The following CLCN5 variants were observed in gnomAD, a reference collection of about 807,000 sequenced individuals.
CLCN5 encodes H(+)/Cl(-) exchange transporter 5.
Under a neutral mutation model 54.0 loss-of-function variants are expected in CLCN5, and 17 were observed. The observed-to-expected ratio is 0.31, with a 90% CI of 0.22 to 0.47. The LOEUF (loss-of-function observed/expected upper bound fraction) is 0.47. CLCN5 is among the 20% of genes least tolerant of loss of function. CLCN5 has a pLI of 1.00. For synonymous variants in CLCN5, 222 were observed against 233.0 expected (o/e 0.95, Z 0.43); for missense variants, 448 against 646.7 (o/e 0.69, Z 3.33).
rs1557192722 is a variant in CLCN5, at chrX:50,079,653, C to G, written c.604-941C>G. ...ATTTATATCTGGTACCACCAGGGTC[C>G]AAAACTTTCTACTTATATGGTTGTT... On this transcript the variant is annotated intron_variant, in intron 7 of 14. Coordinates refer to ENST00000376091, the MANE Select transcript of CLCN5 (RefSeq NM_001127898.4). 4.5e-5 allele frequency among the ~76,000 whole-genome samples: 5 copies of G among 111,210 alleles called. No homozygotes were observed. In the South Asian group the frequency reaches 1.5e-3, roughly 34 times the overall value.
At chrX:50,082,027 G>C (rs1933722711) in intron 9 of CLCN5, among the ~76,000 whole-genome samples, 180 bp downstream of exon 9, 1 of 111,637 alleles carries the variant, frequency 9.0e-6, no homozygotes, top group South Asian at 3.7e-4. Flanking sequence ...AGGTGTATAA[G>C]GATAGTGCAG....
At chrX:49,990,002 C>T (rs1277113193) in intron 3 of CLCN5, among the ~76,000 whole-genome samples, 11 of 111,495 alleles carry the variant, frequency 9.9e-5, no homozygotes, top group Non-Finnish European at 1.9e-4. Context: ...GTTTCAGGGT[C>T]GGTAATTAAT....
intron 3 of CLCN5, among the ~76,000 whole-genome samples, chrX:50,037,805 A>G (rs1267023089): frequency 8.9e-6 from 1 of 112,474 alleles, no homozygotes. Flanking sequence ...TTACATGTGT[A>G]AATATTGATA....
chrX:50,076,773 A>G (rs189229914), intron 7 of CLCN5, among the ~76,000 whole-genome samples: 41 of 111,492 alleles, frequency 3.7e-4, no homozygotes, highest in African/African-American at 1.3e-3. Context: ...GCCTCAAGTG[A>G]CCCTCCTGCC....
chrX:50,057,466 A>G (rs1467072043), intron 4 of CLCN5, among the ~76,000 whole-genome samples: 7 of 12,960 alleles, frequency 5.4e-4, no homozygotes, highest in African/African-American at 2.6e-3. Context: ...CTGGATAGAT[A>G]CTATCCAGGA....
At chrX:50,030,861 A>G (rs1030927638) in intron 3 of CLCN5, among the ~76,000 whole-genome samples, 4 of 112,089 alleles carry the variant, frequency 3.6e-5, no homozygotes, top group African/African-American at 1.3e-4. Flanking sequence ...CTTCTTATAT[A>G]TAGCAGGCAA....
intron 4 of CLCN5, among the ~76,000 whole-genome samples, chrX:50,049,490 GA>G (rs1557188111): frequency 1.8e-5 from 2 of 112,013 alleles, no homozygotes; most frequent in South Asian, 7.4e-4. Context: ...AGTGGTTTCA[GA>G]ATTGTTAACC....
rs1934236525 is a variant in CLCN5, at chrX:50,095,515, GAT to G, written c.*3298_*3299del. On this transcript the variant is annotated 3_prime_UTR_variant, in exon 15 of 15. Transcript: ENST00000376091. Reference sequence around the variant, plus strand: ...CTCTGGTAGATAAGCTGACATTGATGATACTTTGAATTTACCAGCTGGTGAAG... The same window carrying G: ...CTCTGGTAGATAAGCTGACATTGATGACTTTGAATTTACCAGCTGGTGAAG... 1 of 112,651 alleles carries G rather than the reference GAT, an allele frequency of 8.9e-6. No individual in the cohort carries two copies. Among genetic ancestry groups the G allele is most frequent in the African/African-American group, 3.2e-5 (1 of 31,039 alleles). 9.3% of individuals were successfully genotyped at this position (112,651 alleles called of 1,213,427 possible). A position where few individuals can be genotyped will look rare whatever the true frequency, so the allele number is the denominator to read the frequency against.
At chrX:50,003,143 C>A (rs1557180792) in intron 3 of CLCN5, 1 of 384,229 alleles carries the variant, frequency 2.6e-6, no homozygotes, top group Admixed American at 2.5e-5. Flanking sequence ...GGAGAGCAGA[C>A]CTCCCGACTT....
intron 4 of CLCN5, among the ~76,000 whole-genome samples, chrX:50,065,547 CT>C (rs1932975206): frequency 1.2e-5 from 1 of 84,953 alleles, no homozygotes; most frequent in African/African-American, 4.4e-5. Flanking sequence ...AATAGGAACA[CT>C]TTTACACTGT....
intron 3 of CLCN5, among the ~76,000 whole-genome samples, chrX:49,976,049 C>A (rs1180690394): frequency 8.9e-6 from 1 of 111,803 alleles, no homozygotes; most frequent in Non-Finnish European, 1.9e-5. Context: ...GACAGCCCCC[C>A]ACAACAAAGT....
At chrX:50,012,466 T>TC (rs1930554586) in intron 3 of CLCN5, among the ~76,000 whole-genome samples, 1 of 112,350 alleles carries the variant, frequency 8.9e-6, no homozygotes, top group Non-Finnish European at 1.9e-5. Context: ...GAGTGCTGTT[T>TC]CTTTTGTACA....
chrX:50,088,014 C>G (rs1557194239), intron 11 of CLCN5, among the ~76,000 whole-genome samples: 1 of 112,167 alleles, frequency 8.9e-6, no homozygotes, highest in Non-Finnish European at 1.9e-5. Flanking sequence ...TAGTCATGAT[C>G]TCATTACAAT....
chrX:49,983,332 T>C (rs1028202909), intron 3 of CLCN5, among the ~76,000 whole-genome samples: 1 of 111,959 alleles, frequency 8.9e-6, no homozygotes, highest in Non-Finnish European at 1.9e-5. Flanking sequence ...TATTTGGTTT[T>C]CTCTTTATTT....
In CLCN5 at chrX:50,090,729, C is replaced by G. The variant is rs1557194696; in HGVS notation, c.2203C>G (p.His735Asp). ...CACTTCCATCATTTATTTCACGGAG[C>G]ATTCTCCTCCATTGCCACCATACAC... is the stretch of plus-strand genomic sequence containing the variant. Reference protein sequence around the residue: ...VSTSIIYFTEHSPPLPPYTPP... With the variant: ...VSTSIIYFTEDSPPLPPYTPP... The change falls in exon 14 of 15, where the codon CAT (histidine) becomes GAT (aspartate). Residue 735 changes from histidine to aspartate, a missense_variant. Physicochemically the swap from His to Asp is moderately conservative, Grantham distance 81. Around this residue, in one of 5 missense-constraint regions of CLCN5, gnomAD observed 297 missense variants for 470.4 expected, o/e 0.63. Coordinates refer to ENST00000376091, the MANE Select transcript of CLCN5 (RefSeq NM_001127898.4). The G allele has an allele frequency of 1.7e-6, 2 of 1,208,272 alleles. No individual in the cohort carries two copies. Among genetic ancestry groups the G allele is most frequent in the Non-Finnish European group, 1.1e-6 (1 of 894,221 alleles).
chrX:49,941,959 T>C (rs1028770526), intron 3 of CLCN5, among the ~76,000 whole-genome samples: 1 of 87,372 alleles, frequency 1.1e-5, no homozygotes, highest in Non-Finnish European at 2.2e-5. Flanking sequence ...AGAATGGGGC[T>C]GTGTGTTTCC....
At chrX:50,055,115 A>G (rs1006667652) in intron 4 of CLCN5, among the ~76,000 whole-genome samples, 11 of 111,737 alleles carry the variant, frequency 9.8e-5, no homozygotes, top group African/African-American at 3.6e-4. Context: ...AAGGATTGGT[A>G]GCACCATTTT....
chrX:50,015,079 CTT>C (rs782652523), intron 3 of CLCN5, among the ~76,000 whole-genome samples: 1 of 111,247 alleles, frequency 9.0e-6, no homozygotes, highest in East Asian at 2.8e-4. Flanking sequence ...ATATATGTCT[CTT>C]TTCTTGCCTT....
intron 3 of CLCN5, among the ~76,000 whole-genome samples, chrX:49,948,524 G>A (rs1173654662): frequency 9.0e-6 from 1 of 111,606 alleles, no homozygotes; most frequent in African/African-American, 3.3e-5. Context: ...TTAAACGGTA[G>A]ATATTCCTTA....
Sources: gnomAD v4.1 joint callset for allele counts (sites outside exome capture counted in the v4.1 genomes callset) on GRCh38, gnomAD v4.1.1 for gene constraint, gnomAD v4.1.1 regional missense constraint, MANE v1.5 for transcripts, NCBI Gene and HGNC (gene_info 2026-07-23, HGNC 2026-07-21) for gene names.